Variants in CTNND2 observed in about 807,000 individuals in gnomAD.
CTNND2 encodes the protein catenin delta 2.
CTNND2 carries 22 observed loss-of-function variants against 144.4 expected under a neutral mutation model. That is an observed-to-expected ratio of 0.15 (90% CI 0.11 to 0.22). CTNND2 has a LOEUF of 0.22. CTNND2 is among the 10% of genes least tolerant of loss of function. The pLI is 1.00. For missense variants in CTNND2, 1,353 were observed against 1,618.8 expected (o/e 0.84, Z 2.82); for synonymous variants, 751 against 695.6 (o/e 1.08, Z -1.25).
intron 10 of CTNND2, among the ~76,000 whole-genome samples, chr5:11,211,593 G>A (rs922195480): frequency 2.6e-5 from 4 of 152,200 alleles, no homozygotes; most frequent in Non-Finnish European, 5.9e-5. Flanking sequence ...TGAGTGTGTT[G>A]ATAATCATCA....
intron 1 of CTNND2, among the ~76,000 whole-genome samples, chr5:11,795,009 C>G (rs955290076): frequency 2.0e-5 from 3 of 152,194 alleles, no homozygotes; most frequent in African/African-American, 7.2e-5. Flanking sequence ...TTTTACTTCT[C>G]CCTTTTCACA....
intron 3 of CTNND2, among the ~76,000 whole-genome samples, chr5:11,559,152 T>C (rs1304075666): frequency 1.3e-5 from 2 of 152,146 alleles, no homozygotes; most frequent in Non-Finnish European, 2.9e-5. Context: ...TATGTGTATA[T>C]ATTTATACAC....
At chr5:11,871,464 A>G (rs1339102507) in intron 1 of CTNND2, among the ~76,000 whole-genome samples, 1 of 152,218 alleles carries the variant, frequency 6.6e-6, no homozygotes, top group African/African-American at 2.4e-5. Flanking sequence ...AAAAAGTGCT[A>G]CATATGTATT....
At chr5:11,118,169 C>A (rs971523436) in intron 12 of CTNND2, among the ~76,000 whole-genome samples, 3 of 152,188 alleles carry the variant, frequency 2.0e-5, no homozygotes, top group Non-Finnish European at 4.4e-5. Flanking sequence ...CAGATGGGGT[C>A]TACTGTAATG....
intron 11 of CTNND2, among the ~76,000 whole-genome samples, chr5:11,183,560 G>GT (rs1735323913): frequency 2.0e-5 from 3 of 148,940 alleles, no homozygotes; most frequent in African/African-American, 7.5e-5. Context: ...TTTTTTTTTT[G>GT]GTTTTTTTTT....
At chr5:11,397,959 AT>A (rs552986508) in intron 5 of CTNND2, among the ~76,000 whole-genome samples, 3 of 152,254 alleles carry the variant, frequency 2.0e-5, no homozygotes, top group Non-Finnish European at 2.9e-5. Context: ...CCTTGCAAAC[AT>A]TTTCCCATTT....
intron 1 of CTNND2, among the ~76,000 whole-genome samples, chr5:11,767,793 A>C (rs898059818): frequency 2.0e-5 from 3 of 152,218 alleles, no homozygotes; most frequent in Non-Finnish European, 4.4e-5. Flanking sequence ...AATGAGGAGC[A>C]CTGGGAGGTC....
chr5:11,697,602 G>T (rs1785200856), intron 2 of CTNND2, among the ~76,000 whole-genome samples: 1 of 152,176 alleles, frequency 6.6e-6, no homozygotes, highest in African/African-American at 2.4e-5. Flanking sequence ...CGCCTTATGA[G>T]GTGATATTAT....
chr5:11,201,114 T>A (rs370945746), intron 10 of CTNND2, among the ~76,000 whole-genome samples: 2 of 152,252 alleles, frequency 1.3e-5, no homozygotes, highest in African/African-American at 4.8e-5. Flanking sequence ...TATTGAATTC[T>A]TCATAGGATT....
intron 1 of CTNND2, among the ~76,000 whole-genome samples, chr5:11,798,363 A>G (rs1268615309): frequency 6.6e-6 from 1 of 151,810 alleles, no homozygotes; most frequent in African/African-American, 2.4e-5. Flanking sequence ...GTGGGGAACT[A>G]TTTTCATGTA....
intron 16 of CTNND2, among the ~76,000 whole-genome samples, chr5:11,032,568 G>A (rs972854062): frequency 6.6e-6 from 1 of 152,178 alleles, no homozygotes; most frequent in Non-Finnish European, 1.5e-5. Context: ...TTGTTAATGT[G>A]GGAAAAGTCT....
At chr5:11,525,252 T>G (rs1236947348) in intron 3 of CTNND2, among the ~76,000 whole-genome samples, 1 of 152,140 alleles carries the variant, frequency 6.6e-6, no homozygotes, top group East Asian at 1.9e-4. Context: ...TAGAGCACAA[T>G]GTGCTGAATT....
At chr5:11,672,466 C>T (rs985792614) in intron 2 of CTNND2, among the ~76,000 whole-genome samples, 1 of 152,124 alleles carries the variant, frequency 6.6e-6, no homozygotes, top group Non-Finnish European at 1.5e-5. Context: ...CACTTTTTTT[C>T]AGAGATGCCT....
intron 1 of CTNND2, among the ~76,000 whole-genome samples, chr5:11,782,365 T>C (rs1015021606): frequency 1.3e-5 from 2 of 151,498 alleles, no homozygotes; most frequent in Admixed American, 1.3e-4. Flanking sequence ...AGCTGACCTT[T>C]TGTAAACTTA....
intron 12 of CTNND2, among the ~76,000 whole-genome samples, chr5:11,119,974 G>A (rs955334393): frequency 3.3e-5 from 5 of 152,038 alleles, no homozygotes; most frequent in Non-Finnish European, 4.4e-5. Context: ...CATTAAATGC[G>A]CAGGACCAAC....
chr5:11,601,265 A>T (rs1388668246), intron 2 of CTNND2, among the ~76,000 whole-genome samples: 1 of 152,102 alleles, frequency 6.6e-6, no homozygotes, highest in Non-Finnish European at 1.5e-5. Flanking sequence ...CCATAGCATT[A>T]TTTTCACTTT....
chr5:11,121,585 C>T (rs1377143035), intron 12 of CTNND2, among the ~76,000 whole-genome samples: 1 of 147,966 alleles, frequency 6.8e-6, no homozygotes, highest in Admixed American at 6.6e-5. Context: ...TGAAACAATT[C>T]ATTTTTATGT....
intron 10 of CTNND2, among the ~76,000 whole-genome samples, chr5:11,207,322 A>G (rs1738151804): frequency 6.6e-6 from 1 of 151,904 alleles, no homozygotes; most frequent in African/African-American, 2.4e-5. Context: ...CCAACATGGC[A>G]TGTGTATATC....
At chr5:11,687,609 C>T (rs1384227565) in intron 2 of CTNND2, among the ~76,000 whole-genome samples, 2 of 152,156 alleles carry the variant, frequency 1.3e-5, no homozygotes, top group Admixed American at 6.5e-5. Context: ...GAAATCATTC[C>T]TGCAGAGTTT....
Sources: gnomAD v4.1 joint callset for allele counts (sites outside exome capture counted in the v4.1 genomes callset) on GRCh38, gnomAD v4.1.1 for gene constraint, MANE v1.5 for transcripts, NCBI Gene and HGNC (gene_info 2026-07-23, HGNC 2026-07-21) for gene names.